ZNF773: variants seen among roughly 807,000 people sequenced by gnomAD.
ZNF773 encodes zinc finger protein 419B.
Under a neutral mutation model 12.8 loss-of-function variants are expected in ZNF773, and 11 were observed. That is an observed-to-expected ratio of 0.86 (90% confidence interval 0.54 to 1.42). ZNF773 has a LOEUF of 1.42. Among genes scored for constraint, ZNF773 ranks in the 40% most tolerant of loss-of-function variants. The pLI, the probability that ZNF773 is intolerant of heterozygous loss-of-function variation, is 0.00. For missense variants in ZNF773, 518 were observed against 527.2 expected (o/e 0.98, Z 0.17); for synonymous variants, 175 against 178.4 (o/e 0.98, Z 0.15).
downstream of ZNF773, among the ~76,000 whole-genome samples, chr19:57,511,736 CAT>C (rs60351247): frequency 0.2 from 30,449 of 151,204 alleles, 3,150 homozygotes; most frequent in African/African-American, 0.25. Context: ...CACACACACA[CAT>C]ACACACATAC....
chr19:57,499,962 A>G lies in ZNF773; in HGVS notation c.-119A>G, dbSNP rs780406880. 63 of 1,364,826 alleles carry G rather than the reference A, an allele frequency of 4.6e-5. No individual in the cohort carries two copies. Among genetic ancestry groups the G allele is most frequent in the Non-Finnish European group, 6.0e-5 (61 of 1,020,548 alleles). The allele number at this position is 1,364,826 out of a possible 1,614,324, so 84.5% of individuals were successfully genotyped here. On this transcript the variant is annotated 5_prime_UTR_variant, in exon 1 of 4. Coordinates refer to ENST00000282292, the MANE Select transcript of ZNF773 (RefSeq NM_198542.3). ...TGTTCGCTGCGGCGACCAGCTCCGG[A>G]AAGCGCGGTGGGGACGCGCTGTGTT... is the stretch of plus-strand genomic sequence containing the variant.
At chr19:57,508,538 C>T (rs529014835), downstream of ZNF773, 143 of 700,600 alleles carry the variant, frequency 2.0e-4, no homozygotes, top group South Asian at 1.5e-3. Flanking sequence ...CGTAACAGGT[C>T]GGCAAATCTC....
At position 57,505,395 on chromosome 19, in the gene ZNF773, T is replaced by C. The variant is rs748566850; in HGVS notation, c.257T>C (p.Leu86Pro). 3.0e-5 allele frequency: 48 copies of C among 1,613,212 alleles called. No homozygotes were observed. Among genetic ancestry groups the C allele is most frequent in the South Asian group, 1.9e-4 (17 of 91,042 alleles). The change falls in exon 3 of 4, where the codon CTG becomes CCG. Residue 86 changes from leucine to proline, a missense_variant. Coordinates refer to ENST00000282292, the MANE Select transcript of ZNF773 (RefSeq NM_198542.3). ...TGGGAAGTTGTGACTTCAGCCATAC[T>C]GAGAGGTACTTGGTGGGTGGAGCTC... Reference protein sequence around the residue: ...PAWEVVTSAILRGSWQGAKAE... With the variant: ...PAWEVVTSAIPRGSWQGAKAE...
rs1466092149 is a variant in ZNF773 at position 57,507,451 on chromosome 19, T to A, written c.*27T>A. 1.3e-6 allele frequency: 2 copies of A among 1,550,694 alleles called. No individual in the cohort carries two copies. The highest frequency in any genetic ancestry group is 1.7e-6 in the Non-Finnish European group (2 of 1,154,384). ...TGTGAGAAATCCTTTAGCTGGTGTT[T>A]CAACCTCATTCAACACCAGAAAGTT... On this transcript the variant is annotated 3_prime_UTR_variant, in exon 4 of 4. Coordinates refer to ENST00000282292, the MANE Select transcript of ZNF773 (RefSeq NM_198542.3).
In ZNF773 at chr19:57,507,686, A is replaced by G. The variant is rs1315998314; in HGVS notation, c.*262A>G. The G allele has an allele frequency of 7.9e-7, 1 of 1,259,414 alleles. No homozygotes were observed. The highest frequency in any genetic ancestry group is 1.0e-6 in the Non-Finnish European group (1 of 1,004,636). 78.0% of individuals were successfully genotyped at this position (1,259,414 alleles called of 1,614,324 possible). A position where few individuals can be genotyped will look rare whatever the true frequency, so the allele number is the denominator to read the frequency against. ...GAATCAATATGACCTGACTTAAAGC[A>G]GAAACAGCCAGGCGTGGTGGCTGAC... On this transcript the variant is annotated 3_prime_UTR_variant, in exon 4 of 4. Transcript: ENST00000282292.
At chr19:57,501,797 C>G (rs1400603354) in intron 1 of ZNF773, among the ~76,000 whole-genome samples, 3 of 152,088 alleles carry the variant, frequency 2.0e-5, no homozygotes, top group Non-Finnish European at 2.9e-5. Context: ...GTCTCAGGCC[C>G]TCACCCTCCT....
downstream of ZNF773, chr19:57,508,535 G>C (rs1379919866): frequency 5.7e-6 from 4 of 701,076 alleles, no homozygotes; most frequent in Non-Finnish European, 1.0e-5. Context: ...CTGCGTAACA[G>C]GTCGGCAAAT....
rs1403443403 is a variant in ZNF773, at chr19:57,508,072, C to T, written c.*648C>T. Reference sequence around the variant, plus strand: ...AGGAGATTTGCTTGAACCCGGGAGGCGGAGGTTGCATTGAGCCGAGATCAC... The same window carrying T: ...AGGAGATTTGCTTGAACCCGGGAGGTGGAGGTTGCATTGAGCCGAGATCAC... On this transcript the variant is annotated 3_prime_UTR_variant, in exon 4 of 4. Transcript: ENST00000282292. 10 of 597,346 alleles carry T rather than the reference C, an allele frequency of 1.7e-5. No homozygotes were observed. Among genetic ancestry groups the T allele is most frequent in the African/African-American group, 1.1e-4 (5 of 44,774 alleles). The allele number at this position is 597,346 out of a possible 1,614,324, so 37.0% of individuals were successfully genotyped here.
rs1160290426 is a variant in ZNF773, at chr19:57,499,947, G to A, written c.-134G>A. ...TTGCCGGAAGCTGGTTGTTCGCTGC[G>A]GCGACCAGCTCCGGAAAGCGCGGTG... On this transcript the variant is annotated 5_prime_UTR_variant, in exon 1 of 4. Coordinates refer to ENST00000282292, the MANE Select transcript of ZNF773 (RefSeq NM_198542.3). 6 of 1,224,642 alleles carry A rather than the reference G, an allele frequency of 4.9e-6. No homozygotes were observed. Among genetic ancestry groups the A allele is most frequent in the Non-Finnish European group, 6.6e-6 (6 of 906,336 alleles). The allele number at this position is 1,224,642 out of a possible 1,614,324, so 75.9% of individuals were successfully genotyped here. A position where few individuals can be genotyped will look rare whatever the true frequency, so the allele number is the denominator to read the frequency against.
chr19:57,501,102 G>A lies in ZNF773; in HGVS notation c.33+989G>A, dbSNP rs575588449. Among the ~76,000 whole-genome samples, 11 of 152,250 alleles carry A rather than the reference G, an allele frequency of 7.2e-5. No homozygotes were observed. The South Asian group carries it at 2.1e-3, about 29-fold the overall frequency. ...TCCAGTCCATATGGAGAAAAGGAAA[G>A]GTCAGCCAGGCTGGTGGAGCAGCAC... On this transcript the variant is annotated intron_variant, in intron 1 of 3. Coordinates refer to ENST00000282292, the MANE Select transcript of ZNF773 (RefSeq NM_198542.3).
downstream of ZNF773, among the ~76,000 whole-genome samples, chr19:57,509,980 T>G (rs902785627): frequency 6.6e-6 from 1 of 152,196 alleles, no homozygotes; most frequent in African/African-American, 2.4e-5. Context: ...AAAGAGGCAA[T>G]GACATAAAAC....
rs752119996 is a variant in ZNF773 at position 57,504,781 on chromosome 19, C to G, written c.158C>G (p.Ser53Cys). The G allele has an allele frequency of 2.3e-5, 37 of 1,613,052 alleles. 1 individual carries two copies. The highest frequency in any genetic ancestry group is 1.9e-5 in the Non-Finnish European group (22 of 1,179,744). ...CTGGAGAACTTTACACTTCTGGCCT[C>G]TCTGGGTAAGGTTCTCACACCCCAC... is the stretch of plus-strand genomic sequence containing the variant. ...VMLENFTLLA[S>C]LGLASSKTHE... Residue 53 changes from serine to cysteine, a missense_variant, in exon 2 of 4, where the codon TCT (serine) becomes TGT (cysteine). Transcript: ENST00000282292.
At chr19:57,504,627 C>G (rs371452579) in intron 1 of ZNF773, 30 bp from the exon 2 acceptor site, 5 of 1,611,242 alleles carry the variant, frequency 3.1e-6, no homozygotes, top group African/African-American at 2.7e-5. Context: ...GTAAGGAGAC[C>G]GCAGATAAAC....
At chr19:57,510,077 G>T (rs1176661621), downstream of ZNF773, among the ~76,000 whole-genome samples, 1 of 152,026 alleles carries the variant, frequency 6.6e-6, no homozygotes, top group East Asian at 1.9e-4. Context: ...CACCCCGCTG[G>T]GTCTCTTCCA....
intron 1 of ZNF773, among the ~76,000 whole-genome samples, chr19:57,503,116 G>C (rs1455425762): frequency 2.0e-5 from 3 of 152,186 alleles, no homozygotes; most frequent in Non-Finnish European, 2.9e-5. Context: ...GTTGATATGA[G>C]ATGTTCCAGA....
At chr19:57,505,086 A>G (rs1461535627) in intron 2 of ZNF773, 19 of 709,196 alleles carry the variant, frequency 2.7e-5, no homozygotes, top group Middle Eastern at 2.3e-4. Context: ...TGGTAGTTCT[A>G]TTCCCCTACA....
chr19:57,510,120 CT>C (rs1394636407), downstream of ZNF773, among the ~76,000 whole-genome samples: 1 of 152,112 alleles, frequency 6.6e-6, no homozygotes, highest in African/African-American at 2.4e-5. Flanking sequence ...GTTGTAAAGC[CT>C]TTTTAAATAA....
At chr19:57,500,218 C>T (rs2089653528) in intron 1 of ZNF773, 105 bp downstream of exon 1, 10 of 1,403,296 alleles carry the variant, frequency 7.1e-6, no homozygotes, top group Admixed American at 2.6e-5. Context: ...GGGCGGCGTC[C>T]CGTTTCTGAC....
Position 57,507,794 on chromosome 19 carries a change from G to T in ZNF773, c.*370G>T. On this transcript the variant is annotated 3_prime_UTR_variant, in exon 4 of 4. Transcript: ENST00000282292. The stretch of plus-strand genomic sequence containing the variant: ...TCGAAACCATCCTGGTTAACACAAT[G>T]AAACCACATCTCTACTAAAAATACA... 18 of 763,434 alleles carry T rather than the reference G, an allele frequency of 2.4e-5. No homozygotes were observed. Among genetic ancestry groups the T allele is most frequent in the Non-Finnish European group, 2.9e-5 (18 of 613,542 alleles). The allele number at this position is 763,434 out of a possible 1,614,324, so 47.3% of individuals were successfully genotyped here. A position where few individuals can be genotyped will look rare whatever the true frequency, so the allele number is the denominator to read the frequency against.
Sources: gnomAD v4.1 joint callset for allele counts (sites outside exome capture counted in the v4.1 genomes callset) on GRCh38, gnomAD v4.1.1 for gene constraint, MANE v1.5 for transcripts, NCBI Gene and HGNC (gene_info 2026-07-23, HGNC 2026-07-21) for gene names.